The following C1QTNF3 variants were observed in gnomAD, a reference collection of about 807,000 sequenced individuals.
The protein encoded by C1QTNF3 is complement C1q tumor necrosis factor-related protein 3.
Under a neutral mutation model 32.6 loss-of-function variants are expected in C1QTNF3, and 26 were observed. The observed-to-expected ratio is 0.80, with a 90% CI of 0.58 to 1.11. The LOEUF (loss-of-function observed/expected upper bound fraction) is 1.11, where lower values mean the gene tolerates loss of function less well. Ranked by LOEUF, C1QTNF3 falls within the 50% of genes least tolerant of loss-of-function variation. The pLI is 0.00. For synonymous variants in C1QTNF3, 155 were observed against 146.0 expected (o/e 1.06, Z -0.44); for missense variants, 362 against 398.2 (o/e 0.91, Z 0.77).
chr5:34,081,889 A>G, the C1QTNF3 span, among the ~76,000 whole-genome samples: 2 of 151,718 alleles, frequency 1.3e-5, no homozygotes, highest in African/African-American at 2.4e-5. Context: ...ATCCTACATA[A>G]TTTTCAATTA....
the C1QTNF3 span, among the ~76,000 whole-genome samples, chr5:34,161,782 T>C: frequency 6.6e-6 from 1 of 152,178 alleles, no homozygotes; most frequent in African/African-American, 2.4e-5. Context: ...GAGAGTTCTA[T>C]AAATTATATA....
chr5:34,132,568 T>C, the C1QTNF3 span, among the ~76,000 whole-genome samples: 13 of 151,728 alleles, frequency 8.6e-5, no homozygotes, highest in Non-Finnish European at 7.4e-5. Context: ...GTCATAATGT[T>C]TGGGACATAA....
the C1QTNF3 span, among the ~76,000 whole-genome samples, chr5:34,089,984 TG>T: frequency 2.6e-4 from 39 of 152,214 alleles, no homozygotes; most frequent in Admixed American, 2.5e-3. Context: ...AGAACATAGT[TG>T]TTAATCATAA....
chr5:34,138,744 C>A, the C1QTNF3 span, among the ~76,000 whole-genome samples: 13 of 152,146 alleles, frequency 8.5e-5, no homozygotes, highest in South Asian at 2.3e-3. Context: ...TTATAGAGTG[C>A]CTTTTGTATT....
the C1QTNF3 span, among the ~76,000 whole-genome samples, chr5:34,208,432 A>G: frequency 1.3e-5 from 2 of 151,768 alleles, no homozygotes; most frequent in African/African-American, 4.8e-5. Flanking sequence ...ACACTGTAAG[A>G]TGATTAGCAA....
At chr5:34,031,212 A>G (rs1287377964) in intron 3 of C1QTNF3, among the ~76,000 whole-genome samples, 30 of 152,246 alleles carry the variant, frequency 2.0e-4, no homozygotes. Context: ...AGTTAGATTA[A>G]TAAATTCTTT....
At chr5:34,135,513 C>A in the C1QTNF3 span, among the ~76,000 whole-genome samples, 1 of 152,140 alleles carries the variant, frequency 6.6e-6, no homozygotes, top group African/African-American at 2.4e-5. Context: ...CCTCTTTGTA[C>A]CTCTGGTAGA....
the C1QTNF3 span, among the ~76,000 whole-genome samples, chr5:34,125,162 C>A: frequency 6.6e-6 from 1 of 152,080 alleles, no homozygotes; most frequent in African/African-American, 2.4e-5. Flanking sequence ...GTGGGTTGGC[C>A]AGATGACAAA....
the C1QTNF3 span, among the ~76,000 whole-genome samples, chr5:34,215,305 T>C: frequency 2.0e-5 from 3 of 152,164 alleles, no homozygotes; most frequent in Non-Finnish European, 2.9e-5. Context: ...TAAATACTTA[T>C]ATAAACCCCA....
chr5:34,174,041 T>C, the C1QTNF3 span, among the ~76,000 whole-genome samples: 1 of 152,228 alleles, frequency 6.6e-6, no homozygotes. Context: ...TTGGCTTATA[T>C]GATCTCAAAT....
rs142634948 is a variant in C1QTNF3, at chr5:34,033,204, T to C, written c.570+100A>G. The C allele has an allele frequency of 2.1e-3, 2,785 of 1,296,916 alleles. 14 individuals carry two copies. The highest frequency in any genetic ancestry group is 0.011 in the Middle Eastern group (43 of 3,806). 80.3% of individuals were successfully genotyped at this position (1,296,916 alleles called of 1,614,324 possible). A position where few individuals can be genotyped will look rare whatever the true frequency, so the allele number is the denominator to read the frequency against. ...AACTGAGACTCAGATTTACTCAGGATTGGGGAAGACTTGAGGAAGCGCTCG... is the reference window on the plus strand; with the variant it reads ...AACTGAGACTCAGATTTACTCAGGACTGGGGAAGACTTGAGGAAGCGCTCG... On this transcript the variant is annotated intron_variant, in intron 3 of 5. Transcript: ENST00000382065.
the C1QTNF3 span, among the ~76,000 whole-genome samples, chr5:34,242,333 T>C: frequency 2.8e-5 from 4 of 142,964 alleles, no homozygotes; most frequent in African/African-American, 9.2e-5. Flanking sequence ...TGGAACAGAA[T>C]AGAACACTCA....
At chr5:34,027,718 A>AC (rs1266884926) in intron 4 of C1QTNF3, among the ~76,000 whole-genome samples, 1 of 143,238 alleles carries the variant, frequency 7.0e-6, no homozygotes, top group African/African-American at 2.6e-5. Context: ...AAACAAACAA[A>AC]AAAAATCCAC....
intron 3 of C1QTNF3, among the ~76,000 whole-genome samples, chr5:34,031,375 C>T (rs1754609438): frequency 6.6e-6 from 1 of 152,132 alleles, no homozygotes; most frequent in South Asian, 2.1e-4. Flanking sequence ...TACTCTAGGG[C>T]CCCTTCTCCG....
the C1QTNF3 span, among the ~76,000 whole-genome samples, chr5:34,206,168 AGAG>A: frequency 8.6e-5 from 13 of 150,928 alleles, no homozygotes; most frequent in African/African-American, 3.2e-4. Flanking sequence ...ATGAGATAAA[AGAG>A]GTAAATCTCC....
the C1QTNF3 span, among the ~76,000 whole-genome samples, chr5:34,161,896 T>A: frequency 6.6e-6 from 1 of 152,238 alleles, no homozygotes; most frequent in Non-Finnish European, 1.5e-5. Context: ...GGTTTCCCAC[T>A]TAAACCATGC....
the C1QTNF3 span, among the ~76,000 whole-genome samples, chr5:34,144,326 C>T: frequency 1.1e-4 from 16 of 152,316 alleles, no homozygotes; most frequent in African/African-American, 3.6e-4. Context: ...TAGTGGAAGA[C>T]ATCAACACCC....
chr5:34,068,097 C>A, the C1QTNF3 span, among the ~76,000 whole-genome samples: 6 of 152,038 alleles, frequency 3.9e-5, no homozygotes, highest in African/African-American at 1.4e-4. Flanking sequence ...TTCTGACAAA[C>A]ATATGCAGAA....
At chr5:34,091,358 T>A in the C1QTNF3 span, among the ~76,000 whole-genome samples, 1 of 152,278 alleles carries the variant, frequency 6.6e-6, no homozygotes, top group African/African-American at 2.4e-5. Context: ...GGGAATGTGC[T>A]TTCCTTTATT....
Sources: gnomAD v4.1 joint callset for allele counts (sites outside exome capture counted in the v4.1 genomes callset) on GRCh38, gnomAD v4.1.1 for gene constraint, MANE v1.5 for transcripts, NCBI Gene and HGNC (gene_info 2026-07-23, HGNC 2026-07-21) for gene names.